The following LGALS8 variants were observed in gnomAD, a reference collection of about 807,000 sequenced individuals.
LGALS8 encodes galectin-8.
Under a neutral mutation model 35.9 loss-of-function variants are expected in LGALS8, and 30 were observed. That is an observed-to-expected ratio of 0.83 (90% CI 0.62 to 1.13). The LOEUF (loss-of-function observed/expected upper bound fraction) is 1.13, where lower values mean the gene tolerates loss of function less well. Among genes scored for constraint, LGALS8 ranks in the 50% most tolerant of loss-of-function variants. The pLI is 0.00. For synonymous variants in LGALS8, 138 were observed against 136.1 expected, an observed-to-expected ratio of 1.01 and a Z score of -0.10; for missense variants, 366 against 388.7, an observed-to-expected ratio of 0.94 and a Z score of 0.49.
At chr1:236,543,284 C>A in intron 7 of LGALS8, 1 of 637,404 alleles carries the variant, frequency 1.6e-6, no homozygotes, top group African/African-American at 1.8e-5. Flanking sequence ...ACCCCAGGCA[C>A]AGGGGGCCTT....
In LGALS8 at chr1:236,540,575, T is replaced by C. The variant is rs199850806; in HGVS notation, c.357T>C (p.Asn119=). Residue 119 remains asparagine, a synonymous_variant, in exon 5 of 10, where the codon AAT becomes AAC. Coordinates refer to ENST00000366584, the MANE Select transcript of LGALS8 (RefSeq NM_201544.4). ...VLKDKFQVAV[N]GKHTLLYGHR... is the part of the protein sequence containing the mutation. ...CTGTATCTCTCTAGGTGGCTGTAAA[T>C]GGAAAACATACTCTGCTCTATGGCC... 2 of 1,603,592 alleles carry C rather than the reference T, an allele frequency of 1.2e-6. No homozygotes were observed. Among genetic ancestry groups the C allele is most frequent in the Non-Finnish European group, 1.7e-6 (2 of 1,175,624 alleles).
At chr1:236,534,248 C>T (rs911122330) in intron 2 of LGALS8, among the ~76,000 whole-genome samples, 1 of 152,174 alleles carries the variant, frequency 6.6e-6, no homozygotes, top group African/African-American at 2.4e-5. Flanking sequence ...CACATTTTCA[C>T]TCCATGTTTC....
intron 2 of LGALS8, among the ~76,000 whole-genome samples, chr1:236,534,587 G>A (rs1488407993): frequency 6.6e-6 from 1 of 151,308 alleles, no homozygotes; most frequent in African/African-American, 2.4e-5. Flanking sequence ...CAGCGGCAGG[G>A]CACTGTGTCT....
At chr1:236,543,672 AC>A (rs752911198) in intron 8 of LGALS8, 24 bp downstream of exon 8, 9 of 1,549,080 alleles carry the variant, frequency 5.8e-6, no homozygotes, top group Non-Finnish European at 8.0e-6. Flanking sequence ...GGTACCAGTC[AC>A]AGTGCAGATA....
rs1662560584 is a variant in LGALS8, at chr1:236,548,638, C to A, written c.*477C>A. On this transcript the variant is annotated 3_prime_UTR_variant, in exon 10 of 10. Transcript: ENST00000366584. ...ATTACATCAACTCCTAAGGGGTCCT[C>A]TGGGATTAGTTATGCAGATATTAAA... The A allele has an allele frequency of 3.1e-6, 1 of 318,932 alleles. No homozygotes were observed. The highest frequency in any genetic ancestry group is 5.7e-6 in the Non-Finnish European group (1 of 176,308). The allele number at this position is 318,932 out of a possible 1,614,324, so 19.8% of individuals were successfully genotyped here.
chr1:236,521,970 G>C (rs1660563772), upstream of LGALS8, among the ~76,000 whole-genome samples: 1 of 152,198 alleles, frequency 6.6e-6, no homozygotes, highest in South Asian at 2.1e-4. Flanking sequence ...GGATACTGCA[G>C]TAATAATGTA....
chr1:236,547,926 G>A (rs1011609087), intron 9 of LGALS8, 86 bp from the exon 10 acceptor site: 1 of 1,179,396 alleles, frequency 8.5e-7, no homozygotes, highest in Non-Finnish European at 1.2e-6. Context: ...ATAATCAAAT[G>A]GTTTACTCTG....
chr1:236,534,176 A>G (rs1434962472), intron 2 of LGALS8, among the ~76,000 whole-genome samples: 2 of 152,196 alleles, frequency 1.3e-5, no homozygotes, highest in Non-Finnish European at 2.9e-5. Context: ...TCTAATGTTC[A>G]TAAGCTAGGG....
chr1:236,544,716 ATTAAGG>A, intron 8 of LGALS8, 28 bp from the exon 9 acceptor site: 4 of 1,501,506 alleles, frequency 2.7e-6, no homozygotes, highest in Non-Finnish European at 3.6e-6. Context: ...TACTTGGTTA[ATTAAGG>A]TTTTTTTTTT....
chr1:236,532,678 C>T (rs985795799), intron 2 of LGALS8, among the ~76,000 whole-genome samples: 2 of 152,012 alleles, frequency 1.3e-5, no homozygotes, highest in Non-Finnish European at 2.9e-5. Context: ...CCCATCTCTA[C>T]GAAAAATACA....
chr1:236,539,222 TC>T, intron 4 of LGALS8, 133 bp downstream of exon 4: 1 of 725,730 alleles, frequency 1.4e-6, no homozygotes, highest in Non-Finnish European at 2.3e-6. Context: ...GTAGTTTTTC[TC>T]CATAAAAGGA....
Sources: allele counts gnomAD v4.1 joint callset (sites outside exome capture counted in the v4.1 genomes callset), GRCh38; gene constraint gnomAD v4.1.1; transcripts MANE v1.5; gene names NCBI Gene and HGNC (gene_info 2026-07-23, HGNC 2026-07-21).